PRR16: variants seen among roughly 807,000 people sequenced by gnomAD.
PRR16 encodes the protein protein Largen.
In PRR16, 6 loss-of-function variants were observed where a neutral mutation model predicts 18.2. That is an observed-to-expected ratio of 0.33 (90% confidence interval 0.18 to 0.65). The LOEUF is 0.65. PRR16 is among the 30% of genes least tolerant of loss of function. The probability of loss-of-function intolerance (pLI) is 0.74; values close to 1 mark genes in which losing one functional copy is unlikely to be tolerated. For synonymous variants in PRR16, 151 were observed against 147.8 expected, an observed-to-expected ratio of 1.02 and a Z score of -0.16; for missense variants, 412 against 376.6, an observed-to-expected ratio of 1.09 and a Z score of -0.78.
the PRR16 span, among the ~76,000 whole-genome samples, chr5:120,772,107 T>C: frequency 6.6e-6 from 1 of 152,094 alleles, no homozygotes; most frequent in Non-Finnish European, 1.5e-5. Context: ...AGCATAGGAA[T>C]ATCATGTACC....
chr5:120,500,787 G>A (rs997363707), intron 1 of PRR16, among the ~76,000 whole-genome samples: 1 of 152,014 alleles, frequency 6.6e-6, no homozygotes, highest in Non-Finnish European at 1.5e-5. Flanking sequence ...TTTATTTTCT[G>A]TTATTAAAAT....
the PRR16 span, chr5:120,790,841 T>G: frequency 7.8e-6 from 1 of 128,938 alleles, no homozygotes; most frequent in African/African-American, 3.0e-5. Context: ...TGATTTTTCT[T>G]CTTTCAAAAA....
At chr5:120,599,272 T>G (rs1416993230) in intron 1 of PRR16, among the ~76,000 whole-genome samples, 1 of 151,916 alleles carries the variant, frequency 6.6e-6, no homozygotes, top group Non-Finnish European at 1.5e-5. Flanking sequence ...AAGTCGTACA[T>G]AAAAATGTAA....
At chr5:120,636,672 A>G (rs1278064276) in intron 1 of PRR16, among the ~76,000 whole-genome samples, 1 of 152,132 alleles carries the variant, frequency 6.6e-6, no homozygotes, top group African/African-American at 2.4e-5. Flanking sequence ...CCTGAAACAT[A>G]AAGATTCTAG....
chr5:120,567,303 C>G (rs918153212), intron 1 of PRR16, among the ~76,000 whole-genome samples: 4 of 152,104 alleles, frequency 2.6e-5, no homozygotes, highest in Admixed American at 1.3e-4. Context: ...GTCCTGACAA[C>G]CTGCCTACCT....
At chr5:120,602,405 C>G (rs1754013373) in intron 1 of PRR16, among the ~76,000 whole-genome samples, 1 of 151,890 alleles carries the variant, frequency 6.6e-6, no homozygotes. Flanking sequence ...TTTTTTTGTA[C>G]ATTGATTTTG....
chr5:120,549,801 G>A (rs906553555), intron 1 of PRR16, among the ~76,000 whole-genome samples: 17 of 151,920 alleles, frequency 1.1e-4, no homozygotes, highest in Admixed American at 3.9e-4. Flanking sequence ...TTTGGAACAC[G>A]TACTATCCAC....
At chr5:120,574,145 A>T (rs1016877871) in intron 1 of PRR16, among the ~76,000 whole-genome samples, 1 of 152,176 alleles carries the variant, frequency 6.6e-6, no homozygotes, top group Non-Finnish European at 1.5e-5. Flanking sequence ...AATCAAAAGT[A>T]TCATAAAGTG....
At chr5:120,496,614 T>G (rs1304739204) in intron 1 of PRR16, among the ~76,000 whole-genome samples, 1 of 151,986 alleles carries the variant, frequency 6.6e-6, no homozygotes, top group African/African-American at 2.4e-5. Flanking sequence ...TTGTCGATCT[T>G]TTTCGAGATT....
chr5:120,490,844 T>C (rs1236793621), intron 1 of PRR16, among the ~76,000 whole-genome samples: 1 of 152,224 alleles, frequency 6.6e-6, no homozygotes, highest in African/African-American at 2.4e-5. Flanking sequence ...GTGGATGTCC[T>C]TTCTGTTTGT....
At chr5:120,501,558 G>T (rs1750453334) in intron 1 of PRR16, among the ~76,000 whole-genome samples, 1 of 152,102 alleles carries the variant, frequency 6.6e-6, no homozygotes, top group Non-Finnish European at 1.5e-5. Context: ...TTTCCCTATG[G>T]TTTAAAAGAT....
intron 1 of PRR16, among the ~76,000 whole-genome samples, chr5:120,529,814 G>A (rs1187959759): frequency 6.6e-6 from 1 of 151,956 alleles, no homozygotes; most frequent in Non-Finnish European, 1.5e-5. Context: ...ATTGTCAAAG[G>A]ATCTAGTTAC....
chr5:120,540,291 G>A (rs1351708019), intron 1 of PRR16, among the ~76,000 whole-genome samples: 2 of 152,122 alleles, frequency 1.3e-5, no homozygotes, highest in Non-Finnish European at 2.9e-5. Flanking sequence ...TTTGCACACA[G>A]CAGCTAGATT....
At chr5:120,535,032 G>A (rs749428523) in intron 1 of PRR16, among the ~76,000 whole-genome samples, 1 of 151,960 alleles carries the variant, frequency 6.6e-6, no homozygotes, top group Non-Finnish European at 1.5e-5. Context: ...GAACCAGATT[G>A]TAAGGGATAT....
At chr5:120,764,502 A>T in the PRR16 span, among the ~76,000 whole-genome samples, 21,836 of 151,852 alleles carry the variant, frequency 0.14, 2,303 homozygotes, top group African/African-American at 0.3. Context: ...TTCTAGATAT[A>T]GGCCTGTAGT....
At chr5:120,754,384 AT>A in the PRR16 span, among the ~76,000 whole-genome samples, 370 of 54,802 alleles carry the variant, frequency 6.8e-3, 16 homozygotes, top group African/African-American at 0.031. Context: ...TATAACATAT[AT>A]ATTATATGTT....
At chr5:120,663,142 A>G (rs1399505800) in intron 1 of PRR16, among the ~76,000 whole-genome samples, 1 of 150,358 alleles carries the variant, frequency 6.7e-6, no homozygotes, top group Non-Finnish European at 1.5e-5. Context: ...TTGTTATTTC[A>G]CTGGTACCAG....
chr5:120,719,852 G>A, the PRR16 span, among the ~76,000 whole-genome samples: 1 of 151,874 alleles, frequency 6.6e-6, no homozygotes, highest in Admixed American at 6.6e-5. Context: ...TTTATGTTAG[G>A]TGAGAATGAC....
chr5:120,499,134 A>C, intron 1 of PRR16, among the ~76,000 whole-genome samples: 1 of 146,186 alleles, frequency 6.8e-6, no homozygotes, highest in East Asian at 2.0e-4. Flanking sequence ...TTAAAGACGG[A>C]GTTCCGCTCT....
Sources: gnomAD v4.1 joint callset for allele counts (sites outside exome capture counted in the v4.1 genomes callset) on GRCh38, gnomAD v4.1.1 for gene constraint, MANE v1.5 for transcripts, NCBI Gene and HGNC (gene_info 2026-07-23, HGNC 2026-07-21) for gene names.